The following INSYN1 variants were observed in gnomAD, a reference collection of about 807,000 sequenced individuals.
INSYN1 encodes the protein UPF0583 protein C15orf59.
In INSYN1, 7 loss-of-function variants were observed where a neutral mutation model predicts 17.1. That is an observed-to-expected ratio of 0.41 (90% CI 0.23 to 0.77). The LOEUF (loss-of-function observed/expected upper bound fraction) is 0.77, where lower values mean the gene tolerates loss of function less well. Ranked by LOEUF, INSYN1 falls within the 30% of genes least tolerant of loss-of-function variation. The pLI is 0.32. For missense variants in INSYN1, 339 were observed against 400.6 expected (o/e 0.85, Z 1.31); for synonymous variants, 174 against 166.3 (o/e 1.05, Z -0.36).
chr15:73,740,987 T>C (rs1421956885), intron 2 of INSYN1, among the ~76,000 whole-genome samples: 1 of 152,226 alleles, frequency 6.6e-6, no homozygotes, highest in Non-Finnish European at 1.5e-5. Context: ...GCAGCCCTGG[T>C]GATCAGGGAT....
chr15:73,748,630 A>G (rs1352588770), intron 2 of INSYN1, among the ~76,000 whole-genome samples: 2 of 152,246 alleles, frequency 1.3e-5, no homozygotes, highest in African/African-American at 4.8e-5. Flanking sequence ...GCCAAGAGCC[A>G]AGACCACAGG....
intron 2 of INSYN1, among the ~76,000 whole-genome samples, chr15:73,744,734 AAG>A (rs1043549325): frequency 6.6e-5 from 10 of 152,184 alleles, no homozygotes; most frequent in South Asian, 2.1e-4. Context: ...CACAGAAGGA[AAG>A]AGAGGGGGAG....
chr15:73,750,569 C>T (rs1901951308), intron 2 of INSYN1, among the ~76,000 whole-genome samples: 1 of 152,336 alleles, frequency 6.6e-6, no homozygotes, highest in Admixed American at 6.5e-5. Context: ...CAACTATCTG[C>T]ACTCTCCCAG....
intron 2 of INSYN1, among the ~76,000 whole-genome samples, 190 bp downstream of exon 2, chr15:73,750,785 C>T (rs1330155849): frequency 2.6e-5 from 4 of 152,202 alleles, no homozygotes; most frequent in African/African-American, 7.2e-5. Flanking sequence ...CCCCTCCAGC[C>T]TTGGGGTCTG....
intron 2 of INSYN1, among the ~76,000 whole-genome samples, chr15:73,743,250 G>T (rs572794782): frequency 8.9e-4 from 136 of 152,330 alleles, no homozygotes; most frequent in African/African-American, 3.1e-3. Context: ...CTCAGGCAGG[G>T]AAGATCCAGG....
chr15:73,745,588 T>C (rs1462721985), intron 2 of INSYN1, among the ~76,000 whole-genome samples: 2 of 152,218 alleles, frequency 1.3e-5, no homozygotes, highest in East Asian at 3.8e-4. Flanking sequence ...GGAGCAGGAC[T>C]AGGTCTCTTG....
chr15:73,751,829 G>C (rs1045077014), intron 1 of INSYN1, 132 bp from the exon 2 acceptor site: 1 of 152,522 alleles, frequency 6.6e-6, no homozygotes, highest in Non-Finnish European at 1.5e-5. Flanking sequence ...GGGAGGGGTG[G>C]TGGAGGCAGA....
chr15:73,739,948 G>T lies in INSYN1; in HGVS notation c.851C>A (p.Ala284Asp). 6.2e-7 allele frequency: 1 copy of T among 1,609,342 alleles called. No individual in the cohort carries two copies. The highest frequency in any genetic ancestry group is 1.1e-5 in the South Asian group (1 of 90,592). ...KSTQTVLPYT[A>D]TRQKARGKN is the part of the protein sequence containing the mutation. ...TTTCCCCCTGGCTTTCTGTCTAGTG[G>T]CTGTGTAGGGCAGAACCGTCTGCGT... The change falls in exon 3 of 3, where the codon GCC becomes GAC. Residue 284 changes from alanine to aspartate, a missense_variant. By Grantham distance (126) the Ala-to-Asp change is moderately radical (BLOSUM62 -2). Transcript: ENST00000569673.
At chr15:73,744,826 T>A (rs566671150) in intron 2 of INSYN1, among the ~76,000 whole-genome samples, 40 of 152,248 alleles carry the variant, frequency 2.6e-4, no homozygotes, top group South Asian at 1.5e-3. Flanking sequence ...GCAGGCACTG[T>A]TGAGTCCACC....
At chr15:73,741,395 A>G (rs553342460) in intron 2 of INSYN1, among the ~76,000 whole-genome samples, 2 of 152,346 alleles carry the variant, frequency 1.3e-5, no homozygotes, top group African/African-American at 4.8e-5. Context: ...TTCTGGGCCC[A>G]GAGCTGCTTG....
At position 73,740,103 on chromosome 15, in the gene INSYN1, C is replaced by T; in HGVS notation, c.696G>A (p.Lys232=). The T allele has an allele frequency of 1.2e-6, 2 of 1,613,684 alleles. No individual in the cohort carries two copies. Among genetic ancestry groups the T allele is most frequent in the South Asian group, 2.2e-5 (2 of 91,062 alleles). ...GTGACTTGTAGGGGGCTGGGGAGGG[C>T]TTGTGGGGGCCTGCATGGGCCTCTG... The part of the protein sequence containing the change: ...AHTEAHAGPH[K]PSPAPYKSRR... Residue 232 remains lysine, a synonymous_variant, in exon 3 of 3, where the codon AAG becomes AAA. Transcript: ENST00000569673.
rs747208136 is a variant in INSYN1 at position 73,740,466 on chromosome 15, C to T, written c.333G>A (p.Glu111=). 1.9e-6 allele frequency: 3 copies of T among 1,613,868 alleles called. No homozygotes were observed. In the Admixed American group the frequency reaches 5.0e-5, roughly 27 times the overall value. ...TAGAGACGTCCAGGAAGGAGCAGAACTCCCAGCTGTCTGAGAGGATATCGG... is the reference window on the plus strand; with the variant it reads ...TAGAGACGTCCAGGAAGGAGCAGAATTCCCAGCTGTCTGAGAGGATATCGG... ...MTADILSDSW[E]FCSFLDVSTP... Residue 111 remains glutamate (E), a synonymous_variant, in exon 3 of 3, where the codon GAG becomes GAA. Coordinates refer to ENST00000569673, the MANE Select transcript of INSYN1 (RefSeq NM_001039614.3).
intron 2 of INSYN1, among the ~76,000 whole-genome samples, chr15:73,741,225 G>A (rs1224538798): frequency 1.3e-5 from 2 of 152,204 alleles, no homozygotes; most frequent in African/African-American, 4.8e-5. Context: ...AGAACACCAG[G>A]TGTACAGCAC....
rs1229595650 is a variant in INSYN1, at chr15:73,739,926, C to T, written c.873G>A (p.Gly291=). The part of the protein sequence containing the change: ...PYTATRQKAR[G]KN ...GCCCCCTCCCCGGCCCCTAGTTTTT[C>T]CCCCTGGCTTTCTGTCTAGTGGCTG... The change falls in exon 3 of 3, where the codon GGG becomes GGA. Residue 291 remains glycine (G), a synonymous_variant. Coordinates refer to ENST00000569673, the MANE Select transcript of INSYN1 (RefSeq NM_001039614.3). 83 of 1,037,450 alleles carry T rather than the reference C, an allele frequency of 8.0e-5. No individual in the cohort carries two copies. Among genetic ancestry groups the T allele is most frequent in the Non-Finnish European group, 9.4e-5 (69 of 732,224 alleles). 64.3% of individuals were successfully genotyped at this position (1,037,450 alleles called of 1,614,324 possible).
At chr15:73,745,611 T>A (rs1901804213) in intron 2 of INSYN1, among the ~76,000 whole-genome samples, 1 of 152,080 alleles carries the variant, frequency 6.6e-6, no homozygotes. Flanking sequence ...CACCGCTACA[T>A]CCCCAGCTCG....
intron 2 of INSYN1, among the ~76,000 whole-genome samples, chr15:73,747,092 G>T (rs1901855188): frequency 6.6e-6 from 1 of 152,148 alleles, no homozygotes; most frequent in African/African-American, 2.4e-5. Flanking sequence ...CCCTCCAGCT[G>T]CTCTGGCTTC....
chr15:73,745,790 C>G (rs369625518), intron 2 of INSYN1, among the ~76,000 whole-genome samples: 43 of 131,204 alleles, frequency 3.3e-4, no homozygotes, highest in African/African-American at 1.2e-3. Flanking sequence ...GCCTGGGCGA[C>G]AGAGCGAGAC....
chr15:73,746,025 C>T (rs543855216), intron 2 of INSYN1, among the ~76,000 whole-genome samples: 41 of 150,200 alleles, frequency 2.7e-4, no homozygotes, highest in African/African-American at 8.4e-4. Context: ...CCTGTACCCC[C>T]GGACCCCCCA....
In INSYN1 at chr15:73,752,734, C is replaced by T. The variant is rs1902024052; in HGVS notation, c.-1192G>A. ...CCCCGCGGTCGGCCCTGGGCGAGAC[C>T]GCTCCCACGGCTCAGTTCACGTTCC... On this transcript the variant is annotated 5_prime_UTR_variant, in exon 1 of 3. Coordinates refer to ENST00000569673, the MANE Select transcript of INSYN1 (RefSeq NM_001039614.3). The surrounding 1 kb of genome is among the most constrained non-coding windows in gnomAD (Gnocchi z 5.2). 6.6e-6 allele frequency: 1 copy of T among 151,912 alleles called. No individual in the cohort carries two copies. The highest frequency in any genetic ancestry group is 2.1e-4 in the South Asian group (1 of 4,824). 9.4% of individuals were successfully genotyped at this position (151,912 alleles called of 1,614,324 possible). A position where few individuals can be genotyped will look rare whatever the true frequency, so the allele number is the denominator to read the frequency against.
Sources: allele counts gnomAD v4.1 joint callset (sites outside exome capture counted in the v4.1 genomes callset), GRCh38; gene constraint gnomAD v4.1.1; non-coding constraint Gnocchi (gnomAD v3.1); transcripts MANE v1.5; gene names NCBI Gene and HGNC (gene_info 2026-07-23, HGNC 2026-07-21).